CDKAL1: variants seen among roughly 807,000 people sequenced by gnomAD.
The protein encoded by CDKAL1 is threonylcarbamoyladenosine tRNA methylthiotransferase.
In CDKAL1, 32 loss-of-function variants were observed where a neutral mutation model predicts 68.2. That is an observed-to-expected ratio of 0.47 (90% CI 0.35 to 0.63). The LOEUF (loss-of-function observed/expected upper bound fraction) is 0.63. Among genes scored for constraint, CDKAL1 ranks in the 30% least tolerant of loss-of-function variants. The pLI, the probability that CDKAL1 is intolerant of heterozygous loss-of-function variation, is 0.00. For synonymous variants in CDKAL1, 234 were observed against 244.3 expected (o/e 0.96, Z 0.39); for missense variants, 606 against 696.7 (o/e 0.87, Z 1.47).
intron 4 of CDKAL1, among the ~76,000 whole-genome samples, chr6:20,628,717 C>T (rs2127739652): frequency 6.6e-6 from 1 of 152,072 alleles, no homozygotes; most frequent in South Asian, 2.1e-4. Flanking sequence ...TTTATAGTGC[C>T]TTCCATGCTC....
At chr6:21,224,447 G>C (rs1023418650) in intron 15 of CDKAL1, among the ~76,000 whole-genome samples, 14 of 152,190 alleles carry the variant, frequency 9.2e-5, no homozygotes, top group Non-Finnish European at 7.3e-5. Context: ...CCAGGAGGTG[G>C]AGGTTGGAGT....
rs866525518 is a variant in CDKAL1 at position 20,746,290 on chromosome 6, G to A, written c.468+6675G>A. ...AGTGTTATGAGGAATGTACTGTCAT[G>A]TAACTTCTGTTGAAAGGGCTATTTC... On this transcript the variant is annotated intron_variant, in intron 6 of 15. Coordinates refer to ENST00000274695, the MANE Select transcript of CDKAL1 (RefSeq NM_017774.3). Among the ~76,000 whole-genome samples the A allele has an allele frequency of 4.6e-5, 7 of 152,304 alleles. No individual in the cohort carries two copies. In the Middle Eastern group the frequency reaches 0.01, roughly 222 times the overall value.
rs892315518 is a variant in CDKAL1 at position 21,003,748 on chromosome 6, A to G, written c.1055+3376A>G. 5.9e-5 allele frequency among the ~76,000 whole-genome samples: 9 copies of G among 152,150 alleles called. 1 individual carries two copies. The highest frequency in any genetic ancestry group is 2.2e-4 in the African/African-American group (9 of 41,434). ...CTAGCCTGGATAACTGATCCAGCAC[A>G]AAATTGTCTTGTCCAGCCTTTATTA... On this transcript the variant is annotated intron_variant, in intron 11 of 15. Transcript: ENST00000274695.
chr6:21,066,135 AAC>A lies in CDKAL1; in HGVS notation c.1236+911_1236+912del, dbSNP rs541823087. On this transcript the variant is annotated intron_variant, in intron 12 of 15. Transcript: ENST00000274695. ...TCTGTTATAGCGTAAGTGAATATCA[AAC>A]ACAACATATATATTCTTTCAATATT... is the stretch of plus-strand genomic sequence containing the variant. Among the ~76,000 whole-genome samples, 18 of 152,288 alleles carry A rather than the reference AAC, an allele frequency of 1.2e-4. No individual in the cohort carries two copies. In the East Asian group the frequency reaches 2.7e-3, roughly 23 times the overall value.
At chr6:20,888,040 C>T (rs1054912623) in intron 9 of CDKAL1, among the ~76,000 whole-genome samples, 7 of 147,332 alleles carry the variant, frequency 4.8e-5, no homozygotes, top group East Asian at 4.2e-4. Flanking sequence ...GTTTGTTACT[C>T]ATGTATACGT....
chr6:21,020,769 T>C (rs564985929), intron 11 of CDKAL1, among the ~76,000 whole-genome samples: 1 of 148,032 alleles, frequency 6.8e-6, no homozygotes, highest in South Asian at 2.1e-4. Flanking sequence ...GCCTGGCCTT[T>C]TTTCCTTTTT....
intron 8 of CDKAL1, among the ~76,000 whole-genome samples, chr6:20,807,098 G>A (rs1158235168): frequency 6.6e-6 from 1 of 152,174 alleles, no homozygotes; most frequent in East Asian, 1.9e-4. Context: ...TCAGTTCTGG[G>A]AATTATTGTC....
intron 9 of CDKAL1, among the ~76,000 whole-genome samples, chr6:20,917,829 C>G (rs1252414452): frequency 6.6e-6 from 1 of 152,174 alleles, no homozygotes; most frequent in Non-Finnish European, 1.5e-5. Context: ...TACATTGAAA[C>G]CTAATGACTA....
chr6:21,109,754 A>AT (rs552794204), intron 13 of CDKAL1, among the ~76,000 whole-genome samples: 10 of 151,328 alleles, frequency 6.6e-5, no homozygotes, highest in Admixed American at 3.3e-4. Context: ...GTAGTGTTGC[A>AT]TTTTTTTTTA....
At chr6:21,077,805 C>T (rs1772156947) in intron 12 of CDKAL1, among the ~76,000 whole-genome samples, 1 of 152,180 alleles carries the variant, frequency 6.6e-6, no homozygotes, top group Non-Finnish European at 1.5e-5. Flanking sequence ...CAAACCATAT[C>T]ACATGGTGAA....
intron 11 of CDKAL1, among the ~76,000 whole-genome samples, chr6:21,044,485 G>A (rs891352651): frequency 2.0e-5 from 3 of 152,154 alleles, no homozygotes; most frequent in African/African-American, 7.2e-5. Flanking sequence ...GGTGGTCACA[G>A]ACAAAACTTT....
intron 8 of CDKAL1, among the ~76,000 whole-genome samples, chr6:20,818,048 C>G (rs1408863045): frequency 6.6e-6 from 1 of 152,086 alleles, no homozygotes; most frequent in African/African-American, 2.4e-5. Flanking sequence ...CATTATAGTT[C>G]ATAGTGTGGT....
chr6:21,003,359 T>TAC (rs1767539381), intron 11 of CDKAL1, among the ~76,000 whole-genome samples: 1 of 51,904 alleles, frequency 1.9e-5, no homozygotes, highest in African/African-American at 1.4e-4. Context: ...TATATATATA[T>TAC]ATATATATAT....
intron 8 of CDKAL1, among the ~76,000 whole-genome samples, chr6:20,803,305 C>CCTGTCT (rs1232984065): frequency 6.6e-6 from 1 of 152,174 alleles, no homozygotes; most frequent in Non-Finnish European, 1.5e-5. Context: ...TGCCAGCCTG[C>CCTGTCT]CTGTCTCAAC....
intron 10 of CDKAL1, among the ~76,000 whole-genome samples, chr6:20,965,853 C>G (rs963104809): frequency 6.6e-6 from 1 of 152,184 alleles, no homozygotes; most frequent in African/African-American, 2.4e-5. Flanking sequence ...TATGCTCAAA[C>G]CATTGAGAAA....
chr6:20,726,346 A>G (rs1488809887), intron 5 of CDKAL1, among the ~76,000 whole-genome samples: 1 of 152,148 alleles, frequency 6.6e-6, no homozygotes, highest in Non-Finnish European at 1.5e-5. Flanking sequence ...CCAATCCAGT[A>G]TATACCTCAC....
chr6:21,170,547 C>T (rs1777340219), intron 13 of CDKAL1, among the ~76,000 whole-genome samples: 1 of 152,130 alleles, frequency 6.6e-6, no homozygotes, highest in Non-Finnish European at 1.5e-5. Flanking sequence ...CCAGGCTGGT[C>T]TTGAATTCCT....
In CDKAL1 at chr6:20,576,182, CTGAGTT is replaced by C. The variant is rs1168524299; in HGVS notation, c.286+27478_286+27483del. Among the ~76,000 whole-genome samples the C allele has an allele frequency of 2.0e-5, 3 of 152,130 alleles. No homozygotes were observed. In the East Asian group the frequency reaches 5.8e-4, roughly 29 times the overall value. On this transcript the variant is annotated intron_variant, in intron 4 of 15. Coordinates refer to ENST00000274695, the MANE Select transcript of CDKAL1 (RefSeq NM_017774.3). ...AGAACTGTAAAAGAAGAATAAATAG[CTGAGTT>C]ATGTCATACATGTAAACATGTTACA... is the stretch of plus-strand genomic sequence containing the variant.
At chr6:20,563,903 C>T (rs76267083) in intron 4 of CDKAL1, among the ~76,000 whole-genome samples, 1,664 of 152,146 alleles carry the variant, frequency 0.011, 29 homozygotes, top group African/African-American at 0.036. Flanking sequence ...TATAACTTGG[C>T]TCATTATCTA....
Sources: allele counts gnomAD v4.1 joint callset (sites outside exome capture counted in the v4.1 genomes callset), GRCh38; gene constraint gnomAD v4.1.1; transcripts MANE v1.5; gene names NCBI Gene and HGNC (gene_info 2026-07-23, HGNC 2026-07-21).